Variants in DNAJC7 observed in about 807,000 individuals in gnomAD.
DNAJC7 encodes dnaJ homolog subfamily C member 7.
DNAJC7 carries 18 observed loss-of-function variants against 67.4 expected under a neutral mutation model. The observed-to-expected ratio is 0.27, with a 90% CI of 0.18 to 0.40. The LOEUF (loss-of-function observed/expected upper bound fraction) is 0.40. Ranked by LOEUF, DNAJC7 falls within the 10% of genes least tolerant of loss-of-function variation. The pLI, the probability that DNAJC7 is intolerant of heterozygous loss-of-function variation, is 1.00. For missense variants in DNAJC7, 419 were observed against 613.8 expected (o/e 0.68, Z 3.35); for synonymous variants, 220 against 207.8 (o/e 1.06, Z -0.50).
chr17:42,002,881 C>A (rs782162534), intron 1 of DNAJC7, among the ~76,000 whole-genome samples: 3 of 152,132 alleles, frequency 2.0e-5, no homozygotes, highest in Non-Finnish European at 4.4e-5. Context: ...GAACCAAAAT[C>A]GGTATTTAAA....
intron 1 of DNAJC7, among the ~76,000 whole-genome samples, chr17:42,008,404 A>G (rs1324137343): frequency 1.2e-5 from 1 of 83,182 alleles, no homozygotes; most frequent in Non-Finnish European, 2.3e-5. Flanking sequence ...AGATATATAT[A>G]TATAGATATA....
chr17:42,012,883 C>T (rs2052156986), intron 1 of DNAJC7: 1 of 152,226 alleles, frequency 6.6e-6, no homozygotes, highest in Non-Finnish European at 1.5e-5. Flanking sequence ...GCAGCCTCGA[C>T]CTCCCCCAGC....
chr17:42,001,808 C>T (rs782161038), intron 1 of DNAJC7, among the ~76,000 whole-genome samples: 3 of 152,154 alleles, frequency 2.0e-5, no homozygotes, highest in Non-Finnish European at 2.9e-5. Context: ...AGTCGCCCTC[C>T]TTTTATTGAG....
intron 13 of DNAJC7, 50 bp downstream of exon 13, chr17:41,977,211 G>T: frequency 6.5e-7 from 1 of 1,540,248 alleles, no homozygotes; most frequent in Non-Finnish European, 8.8e-7. Flanking sequence ...GAGGCAATGA[G>T]TGTGTTGGCT....
intron 2 of DNAJC7, among the ~76,000 whole-genome samples, chr17:41,998,126 G>C (rs1438614404): frequency 6.6e-6 from 1 of 151,008 alleles, no homozygotes; most frequent in Non-Finnish European, 1.5e-5. Context: ...GCCTCCAAAA[G>C]CGTTGGGATT....
Position 41,976,629 on chromosome 17 carries a change from C to G in DNAJC7, c.*104G>C. The G allele has an allele frequency of 6.7e-7, 1 of 1,482,312 alleles. No individual in the cohort carries two copies. Among genetic ancestry groups the G allele is most frequent in the South Asian group, 1.2e-5 (1 of 81,890 alleles). 91.8% of individuals were successfully genotyped at this position (1,482,312 alleles called of 1,614,324 possible). On this transcript the variant is annotated 3_prime_UTR_variant, in exon 14 of 14. Coordinates refer to ENST00000457167, the MANE Select transcript of DNAJC7 (RefSeq NM_003315.4). Reference sequence around the variant, plus strand: ...ATCCAACTGAGAAAACGAAACTGCTCTAAGCACACGGAGACGTGATGAAGG... The same window carrying G: ...ATCCAACTGAGAAAACGAAACTGCTGTAAGCACACGGAGACGTGATGAAGG...
chr17:41,978,238 CAGA>C (rs1322320449), intron 12 of DNAJC7, among the ~76,000 whole-genome samples: 4 of 152,272 alleles, frequency 2.6e-5, no homozygotes, highest in East Asian at 3.9e-4. Flanking sequence ...CCAAGCTTCA[CAGA>C]AGGACTGACC....
At chr17:42,000,422 T>C in intron 2 of DNAJC7, 60 bp downstream of exon 2, 1 of 1,372,934 alleles carries the variant, frequency 7.3e-7, no homozygotes. Flanking sequence ...ACTTGGCAGC[T>C]ACTTTTAATA....
At chr17:42,017,285 T>G in intron 1 of DNAJC7, 55 bp downstream of exon 1, 4 of 1,607,922 alleles carry the variant, frequency 2.5e-6, no homozygotes, top group Non-Finnish European at 3.4e-6. Flanking sequence ...GGAACGAGTT[T>G]CCCTGAGCCA....
At chr17:41,987,727 C>A in intron 9 of DNAJC7, 92 bp downstream of exon 9, 1 of 1,120,770 alleles carries the variant, frequency 8.9e-7, no homozygotes, top group Non-Finnish European at 1.3e-6. Flanking sequence ...AATGACCTCA[C>A]AACATCTCTG....
Position 41,990,348 on chromosome 17 carries a change from G to A in DNAJC7, c.515C>T (p.Ala172Val). Reference protein sequence around the residue: ...VFCMDRALEFAPACHRFKILK... With the variant: ...VFCMDRALEFVPACHRFKILK... The stretch of plus-strand genomic sequence containing the variant: ...GATTTTGAAGCGATGGCAGGCAGGG[G>A]CAAATTCTAGGGCACGGTCCATGCA... Residue 172 changes from alanine to valine, a missense_variant, in exon 6 of 14, where the codon GCC (alanine) becomes GTC (valine). Ala to Val is a moderately conservative substitution (Grantham distance 64). Transcript: ENST00000457167. The A allele has an allele frequency of 6.2e-7, 1 of 1,610,710 alleles. No individual in the cohort carries two copies. The highest frequency in any genetic ancestry group is 8.5e-7 in the Non-Finnish European group (1 of 1,178,468).
chr17:42,007,680 T>C (rs2052003448), intron 1 of DNAJC7, among the ~76,000 whole-genome samples: 3 of 151,186 alleles, frequency 2.0e-5, no homozygotes, highest in Admixed American at 2.0e-4. Flanking sequence ...CGCACCACCA[T>C]GCCCAGCTAA....
intron 1 of DNAJC7, among the ~76,000 whole-genome samples, chr17:42,007,380 C>T (rs1368764431): frequency 6.6e-6 from 1 of 152,062 alleles, no homozygotes; most frequent in African/African-American, 2.4e-5. Flanking sequence ...AGTCCGAGAC[C>T]TCTTGTCCCC....
chr17:41,990,653 T>A (rs2051489737), intron 5 of DNAJC7, among the ~76,000 whole-genome samples: 1 of 151,704 alleles, frequency 6.6e-6, no homozygotes, highest in South Asian at 2.1e-4. Context: ...TTTTATGAAA[T>A]AGGCAATATT....
At chr17:41,992,521 G>A (rs138698559) in intron 5 of DNAJC7, 1 of 152,124 alleles carries the variant, frequency 6.6e-6, no homozygotes, top group African/African-American at 2.4e-5. Flanking sequence ...CATTATGTAG[G>A]TAGAGTTGTG....
chr17:42,010,847 C>T (rs1235905890), intron 1 of DNAJC7, among the ~76,000 whole-genome samples: 1 of 152,158 alleles, frequency 6.6e-6, no homozygotes, highest in Non-Finnish European at 1.5e-5. Context: ...CAGAATAAGA[C>T]CTGAGAGTCA....
At chr17:42,007,325 C>A (rs1293351916) in intron 1 of DNAJC7, among the ~76,000 whole-genome samples, 1 of 151,930 alleles carries the variant, frequency 6.6e-6, no homozygotes, top group African/African-American at 2.4e-5. Flanking sequence ...TCAGAATTCA[C>A]GGGATCTTGG....
chr17:41,981,957 ACTT>A lies in DNAJC7; in HGVS notation c.1279_1281del (p.Lys427del). The A allele has an allele frequency of 1.2e-6, 2 of 1,613,902 alleles. No individual in the cohort carries two copies. The highest frequency in any genetic ancestry group is 8.5e-7 in the Non-Finnish European group (1 of 1,179,862). On this transcript the variant is annotated inframe_deletion, in exon 12 of 14. Coordinates refer to ENST00000457167, the MANE Select transcript of DNAJC7 (RefSeq NM_003315.4). Reference sequence around the variant, plus strand: ...GTAAAGGCCTCTCCAACTTCCTTGAACTTCTTCTCCTCCTCCTTCTGAACCTCA... The same window carrying A: ...GTAAAGGCCTCTCCAACTTCCTTGAACTTCTCCTCCTCCTTCTGAACCTCA...
chr17:41,987,450 C>T (rs2143162979), intron 9 of DNAJC7: 1 of 177,132 alleles, frequency 5.6e-6, no homozygotes, highest in South Asian at 1.7e-4. Flanking sequence ...TTCAACAAAA[C>T]ATTTATTCAG....
Sources: gnomAD v4.1 joint callset for allele counts (sites outside exome capture counted in the v4.1 genomes callset) on GRCh38, gnomAD v4.1.1 for gene constraint, MANE v1.5 for transcripts, NCBI Gene and HGNC (gene_info 2026-07-23, HGNC 2026-07-21) for gene names.